The following MYO5C variants were observed in gnomAD, a reference collection of about 807,000 sequenced individuals.
The protein encoded by MYO5C is unconventional myosin-Vc.
MYO5C carries 194 observed loss-of-function variants against 235.7 expected under a neutral mutation model. The observed-to-expected ratio is 0.82, with a 90% confidence interval of 0.73 to 0.93. The LOEUF (loss-of-function observed/expected upper bound fraction) is 0.93, where lower values mean the gene tolerates loss of function less well. Ranked by LOEUF, MYO5C falls within the 40% of genes least tolerant of loss-of-function variation. The probability of loss-of-function intolerance (pLI) is 0.00; values close to 1 mark genes in which losing one functional copy is unlikely to be tolerated. For synonymous variants in MYO5C, 707 were observed against 754.8 expected (o/e 0.94, Z 1.04); for missense variants, 2,038 against 2,127.2 (o/e 0.96, Z 0.82).
chr15:52,284,581 T>C (rs1475894475), intron 1 of MYO5C, among the ~76,000 whole-genome samples: 3 of 152,198 alleles, frequency 2.0e-5, no homozygotes, highest in African/African-American at 7.2e-5. Flanking sequence ...TTAAGATTTG[T>C]GCATTTCATT....
In MYO5C at chr15:52,196,383, GC is replaced by G; in HGVS notation, c.4920del (p.Leu1640PhefsTer28). 6.2e-7 allele frequency: 1 copy of G among 1,614,212 alleles called. No homozygotes were observed. The highest frequency in any genetic ancestry group is 8.5e-7 in the Non-Finnish European group (1 of 1,180,034). On this transcript the variant is annotated frameshift_variant, in exon 39 of 41. Coordinates refer to ENST00000261839, the MANE Select transcript of MYO5C (RefSeq NM_018728.4). LOFTEE classifies it high-confidence loss of function. Reference sequence around the variant, plus strand: ...CTGTCTGTGGTCTTCTTGACCTGAAGCAACCAGGCTGCCTGAGAGAGGGGCT... The same window carrying G: ...CTGTCTGTGGTCTTCTTGACCTGAAGAACCAGGCTGCCTGAGAGAGGGGCT... ...TLEPLSQAAW[L>X]LQVKKTTDSD...
chr15:52,211,668 C>T, intron 35 of MYO5C, 62 bp downstream of exon 35: 1 of 1,544,002 alleles, frequency 6.5e-7, no homozygotes, highest in Non-Finnish European at 8.8e-7. Flanking sequence ...TGGGCAAAGA[C>T]TGGGCATCTG....
At chr15:52,247,173 T>C (rs1215770019) in intron 15 of MYO5C, among the ~76,000 whole-genome samples, 159 bp from the exon 16 acceptor site, 1 of 152,224 alleles carries the variant, frequency 6.6e-6, no homozygotes, top group Non-Finnish European at 1.5e-5. Context: ...TGACTGTGGT[T>C]TATCAGCATG....
At position 52,262,142 on chromosome 15, in the gene MYO5C, G is replaced by GA. The variant is rs201186895; in HGVS notation, c.1048-1016dup. ...AATTCAGCTGCAGGTGCTGCTATGG[G>GA]AAAAAAATGCAAAGGGGCGGCAGCT... On this transcript the variant is annotated intron_variant, in intron 9 of 40. Coordinates refer to ENST00000261839, the MANE Select transcript of MYO5C (RefSeq NM_018728.4). Among the ~76,000 whole-genome samples the GA allele has an allele frequency of 2.5e-3, 388 of 152,226 alleles. 1 individual carries two copies. The highest frequency in any genetic ancestry group is 4.1e-3 in the Non-Finnish European group (281 of 68,012).
intron 23 of MYO5C, among the ~76,000 whole-genome samples, chr15:52,233,293 A>T (rs1458098345): frequency 8.0e-5 from 1 of 12,426 alleles, no homozygotes; most frequent in African/African-American, 1.1e-4. Context: ...AAAAAAAAAA[A>T]AAAATTAAAA....
chr15:52,279,353 C>A (rs2037117009), intron 3 of MYO5C, among the ~76,000 whole-genome samples, 156 bp downstream of exon 3: 3 of 152,066 alleles, frequency 2.0e-5, no homozygotes, highest in African/African-American at 7.2e-5. Context: ...TCTAGGTAGT[C>A]CAGTCTTAGT....
intron 5 of MYO5C, among the ~76,000 whole-genome samples, chr15:52,273,255 G>A (rs1448487185): frequency 6.6e-6 from 1 of 152,202 alleles, no homozygotes; most frequent in African/African-American, 2.4e-5. Flanking sequence ...CCCAGGAGTT[G>A]GAGGCTGCAG....
intron 35 of MYO5C, among the ~76,000 whole-genome samples, chr15:52,209,691 A>G (rs1268696715): frequency 6.6e-6 from 1 of 152,208 alleles, no homozygotes; most frequent in African/African-American, 2.4e-5. Context: ...CTGGAACACA[A>G]TGCCAGCTTG....
chr15:52,196,501 AG>A lies in MYO5C; in HGVS notation c.4821-19del, dbSNP rs2035055702. 1 of 1,607,090 alleles carries A rather than the reference AG, an allele frequency of 6.2e-7. No individual in the cohort carries two copies. The highest frequency in any genetic ancestry group is 1.3e-5 in the African/African-American group (1 of 74,668). On this transcript the variant is annotated intron_variant, in intron 38 of 40. Transcript: ENST00000261839. ...TATTGCACCTGGAGGGAAAGGCAGA[AG>A]AACAGAGAATACTTTAGGGAAGGGT...
chr15:52,270,149 G>A (rs1258669757), intron 7 of MYO5C, among the ~76,000 whole-genome samples: 1 of 152,160 alleles, frequency 6.6e-6, no homozygotes, highest in Admixed American at 6.5e-5. Context: ...GGACATGGTG[G>A]CACATGCCTA....
intron 25 of MYO5C, among the ~76,000 whole-genome samples, chr15:52,227,286 C>G (rs2035849629): frequency 6.7e-6 from 1 of 149,470 alleles, no homozygotes; most frequent in Non-Finnish European, 1.5e-5. Context: ...CCTCCACCTC[C>G]CAGGTTCAAG....
In MYO5C at chr15:52,237,770, T is replaced by C. The variant is rs1041357309; in HGVS notation, c.2704-124A>G. 12 of 843,224 alleles carry C rather than the reference T, an allele frequency of 1.4e-5. No homozygotes were observed. The Admixed American group carries it at 2.1e-4, about 15-fold the overall frequency. 52.2% of individuals were successfully genotyped at this position (843,224 alleles called of 1,614,324 possible). A position where few individuals can be genotyped will look rare whatever the true frequency, so the allele number is the denominator to read the frequency against. On this transcript the variant is annotated intron_variant, in intron 21 of 40. Coordinates refer to ENST00000261839, the MANE Select transcript of MYO5C (RefSeq NM_018728.4). ...GGTTGCTTTATGCTGATCACACTTA[T>C]CACTGCACTGACATTTGTTAGCATC...
At chr15:52,259,233 A>T (rs1165197816) in intron 10 of MYO5C, among the ~76,000 whole-genome samples, 1 of 152,166 alleles carries the variant, frequency 6.6e-6, no homozygotes, top group African/African-American at 2.4e-5. Flanking sequence ...ATCCTGGCTA[A>T]TACGGTGAAA....
chr15:52,235,970 C>G (rs533471131), intron 22 of MYO5C, among the ~76,000 whole-genome samples: 1 of 152,322 alleles, frequency 6.6e-6, no homozygotes, highest in African/African-American at 2.4e-5. Flanking sequence ...AAAGGTGACA[C>G]TATTCCCGAC....
intron 10 of MYO5C, among the ~76,000 whole-genome samples, chr15:52,260,247 G>A (rs544423078): frequency 9.8e-4 from 150 of 152,364 alleles, no homozygotes; most frequent in African/African-American, 3.5e-3. Flanking sequence ...AGACCTCCTG[G>A]AGGAGGGCTG....
chr15:52,243,271 G>C (rs1430754787), intron 19 of MYO5C: 2 of 152,590 alleles, frequency 1.3e-5, no homozygotes, highest in African/African-American at 2.4e-5. Flanking sequence ...GTGGAGCACG[G>C]TGCCATCAGA....
chr15:52,207,247 CAG>C, intron 36 of MYO5C, among the ~76,000 whole-genome samples: 1 of 151,894 alleles, frequency 6.6e-6, no homozygotes, highest in East Asian at 1.9e-4. Context: ...AGCAGTCAGA[CAG>C]GGAAAAGAAT....
intron 20 of MYO5C, among the ~76,000 whole-genome samples, chr15:52,241,421 G>A (rs572616991): frequency 3.3e-5 from 5 of 151,774 alleles, no homozygotes; most frequent in Non-Finnish European, 5.9e-5. Flanking sequence ...CACCACACCC[G>A]GCTAATTTTT....
chr15:52,256,186 A>G (rs2036573025), intron 11 of MYO5C, among the ~76,000 whole-genome samples: 1 of 152,324 alleles, frequency 6.6e-6, no homozygotes, highest in South Asian at 2.1e-4. Context: ...GGAAGAGGCC[A>G]GGAGGTATCG....
Sources: gnomAD v4.1 joint callset for allele counts (sites outside exome capture counted in the v4.1 genomes callset) on GRCh38, gnomAD v4.1.1 for gene constraint, MANE v1.5 for transcripts, NCBI Gene and HGNC (gene_info 2026-07-23, HGNC 2026-07-21) for gene names.